MGAT4C: variants seen among roughly 807,000 people sequenced by gnomAD.
MGAT4C encodes the protein MGAT4 family member C.
A neutral mutation model predicts 40.1 loss-of-function variants in MGAT4C; 19 were observed. The ratio of observed to expected loss-of-function variants is 0.47; its 90% CI spans 0.33 to 0.70. The LOEUF is 0.70. MGAT4C is among the 30% of genes least tolerant of loss of function. MGAT4C has a pLI of 0.02. For missense variants in MGAT4C, 491 were observed against 563.2 expected, an observed-to-expected ratio of 0.87 and a Z score of 1.30; for synonymous variants, 181 against 187.1, an observed-to-expected ratio of 0.97 and a Z score of 0.27.
At chr12:86,476,034 T>C (rs1017008482) in intron 2 of MGAT4C, among the ~76,000 whole-genome samples, 4 of 152,094 alleles carry the variant, frequency 2.6e-5, no homozygotes, top group African/African-American at 9.7e-5. Context: ...CCTTCCATAG[T>C]AATGTCTCAT....
intron 2 of MGAT4C, among the ~76,000 whole-genome samples, chr12:86,584,705 C>T (rs1449391686): frequency 2.6e-5 from 4 of 151,232 alleles, no homozygotes; most frequent in Non-Finnish European, 4.4e-5. Flanking sequence ...TGCTGCTAAA[C>T]GAATTTCACA....
intron 2 of MGAT4C, among the ~76,000 whole-genome samples, chr12:86,017,391 A>T (rs1018363705): frequency 4.6e-5 from 7 of 152,304 alleles, no homozygotes; most frequent in Admixed American, 3.3e-4. Flanking sequence ...GAAAAAATGC[A>T]AATGAGCACA....
chr12:86,223,817 A>G (rs1593278505), intron 1 of MGAT4C, among the ~76,000 whole-genome samples: 1 of 152,168 alleles, frequency 6.6e-6, no homozygotes. Flanking sequence ...CCAGACTACC[A>G]TAGCTTGCAC....
At chr12:86,731,769 G>A (rs1653608212) in intron 1 of MGAT4C, among the ~76,000 whole-genome samples, 4 of 152,034 alleles carry the variant, frequency 2.6e-5, no homozygotes, top group Admixed American at 2.0e-4. Flanking sequence ...CGGATTGGGG[G>A]CTATACCAAC....
intron 2 of MGAT4C, among the ~76,000 whole-genome samples, chr12:86,656,105 T>A (rs1481602017): frequency 6.6e-6 from 1 of 152,082 alleles, no homozygotes; most frequent in Non-Finnish European, 1.5e-5. Context: ...AGGACTACAT[T>A]TGAAATTATG....
At position 85,979,582 on chromosome 12, in the gene MGAT4C, C is replaced by T; in HGVS notation, c.1144G>A (p.Val382Ile). 6.2e-7 allele frequency: 1 copy of T among 1,607,804 alleles called. No individual in the cohort carries two copies. The highest frequency in any genetic ancestry group is 1.1e-5 in the South Asian group (1 of 90,502). ...PPSTGDVFVI[V>I]FENPIIIKKI... ...TTTATTATAATTGGATTTTCAAATA[C>T]AATCACAAAAACATCTCCTGTTGAA... The change falls in exon 5 of 5, where the codon GTA (valine) becomes ATA (isoleucine). Residue 382 changes from valine to isoleucine, a missense_variant. Coordinates refer to ENST00000611864, the MANE Select transcript of MGAT4C (RefSeq NM_001351288.2).
At chr12:86,427,908 T>A (rs1455902086) in intron 3 of MGAT4C, among the ~76,000 whole-genome samples, 1 of 151,916 alleles carries the variant, frequency 6.6e-6, no homozygotes. Context: ...TAGTTCCAGC[T>A]ACTCGGGAGG....
At chr12:86,750,155 T>C (rs148745926) in intron 1 of MGAT4C, among the ~76,000 whole-genome samples, 4 of 151,988 alleles carry the variant, frequency 2.6e-5, no homozygotes, top group South Asian at 4.1e-4. Flanking sequence ...AAGCCTCTGG[T>C]AACTTTATTC....
intron 1 of MGAT4C, among the ~76,000 whole-genome samples, chr12:86,836,472 T>C (rs1953038655): frequency 6.6e-6 from 1 of 152,038 alleles, no homozygotes; most frequent in Admixed American, 6.6e-5. Context: ...TAAATGTTAT[T>C]TAACGACAAC....
intron 2 of MGAT4C, among the ~76,000 whole-genome samples, chr12:86,523,895 C>A (rs754529205): frequency 6.6e-6 from 1 of 152,096 alleles, no homozygotes; most frequent in Non-Finnish European, 1.5e-5. Flanking sequence ...TTGTCTGAAA[C>A]TAGGGTGGCA....
chr12:86,246,736 G>T (rs753401554), intron 1 of MGAT4C, among the ~76,000 whole-genome samples: 1 of 152,280 alleles, frequency 6.6e-6, no homozygotes, highest in East Asian at 1.9e-4. Flanking sequence ...TTATTTGACA[G>T]TTCTGACCAG....
rs1322258554 is a variant in MGAT4C at position 86,256,280 on chromosome 12, G to A, written c.-98C>T. ...AATTCGTTCAGCTAGATCCAACAGT[G>A]CTCTGTGCAGCCTGGAAGCATGAGT... On this transcript the variant is annotated 5_prime_UTR_variant, in exon 1 of 5. Transcript: ENST00000611864. The A allele has an allele frequency of 6.6e-6, 1 of 152,118 alleles. No individual in the cohort carries two copies. Among genetic ancestry groups the A allele is most frequent in the Non-Finnish European group, 1.5e-5 (1 of 68,016 alleles). 9.4% of individuals were successfully genotyped at this position (152,118 alleles called of 1,614,324 possible). A position where few individuals can be genotyped will look rare whatever the true frequency, so the allele number is the denominator to read the frequency against.
chr12:86,751,454 TTAAGAACAAGTAAAAACTATTGAAA>T (rs1951230535), intron 1 of MGAT4C, among the ~76,000 whole-genome samples: 1 of 151,874 alleles, frequency 6.6e-6, no homozygotes, highest in African/African-American at 2.4e-5. Flanking sequence ...TCAAAGAAGA[TTAAGAACAAGTAAAAACTATTGAAA>T]TTTTAGCTTT....
intron 2 of MGAT4C, among the ~76,000 whole-genome samples, chr12:86,664,744 T>C (rs1377606134): frequency 6.6e-6 from 1 of 152,192 alleles, no homozygotes; most frequent in East Asian, 1.9e-4. Flanking sequence ...TTACTACAAA[T>C]CTGTAGTTAT....
At chr12:86,336,858 CT>C (rs1170129684) in intron 3 of MGAT4C, among the ~76,000 whole-genome samples, 4 of 152,200 alleles carry the variant, frequency 2.6e-5, no homozygotes, top group African/African-American at 9.6e-5. Context: ...TGCGAGTTCA[CT>C]TTTATTTTAA....
intron 1 of MGAT4C, among the ~76,000 whole-genome samples, chr12:86,794,824 A>T (rs1952083975): frequency 6.6e-6 from 1 of 151,864 alleles, no homozygotes; most frequent in Non-Finnish European, 1.5e-5. Flanking sequence ...ATATAATAAA[A>T]TATGACTCAG....
rs540507656 is a variant in MGAT4C, at chr12:86,678,485, T to A, written c.-229+48724A>T. ...GGGTACATGTGCACAATGTGCAGGT[T>A]AGTTACATATGTATACATGTGCCAT... On this transcript the variant is annotated intron_variant, in intron 2 of 7. Transcript: ENST00000548651. Among the ~76,000 whole-genome samples the A allele has an allele frequency of 3.3e-5, 5 of 151,950 alleles. No homozygotes were observed. The East Asian group carries it at 9.7e-4, about 29-fold the overall frequency.
intron 1 of MGAT4C, among the ~76,000 whole-genome samples, chr12:86,140,944 T>C (rs1882748309): frequency 6.6e-6 from 1 of 152,198 alleles, no homozygotes; most frequent in Non-Finnish European, 1.5e-5. Context: ...GTGAGTGGTA[T>C]GCTTTTCCCT....
intron 1 of MGAT4C, among the ~76,000 whole-genome samples, chr12:86,053,399 C>T (rs145872432): frequency 2.0e-5 from 3 of 151,978 alleles, no homozygotes; most frequent in African/African-American, 7.2e-5. Flanking sequence ...ATCTATGACA[C>T]TGGAGCTGAG....
Sources: allele counts gnomAD v4.1 joint callset (sites outside exome capture counted in the v4.1 genomes callset), GRCh38; gene constraint gnomAD v4.1.1; transcripts MANE v1.5; gene names NCBI Gene and HGNC (gene_info 2026-07-23, HGNC 2026-07-21).